PAK5: variants seen among roughly 807,000 people sequenced by gnomAD.
The protein encoded by PAK5 is serine/threonine-protein kinase PAK 5.
In PAK5, 16 loss-of-function variants were observed where a neutral mutation model predicts 65.9. The observed-to-expected ratio is 0.24, with a 90% CI of 0.16 to 0.37. The LOEUF is 0.37. PAK5 is among the 10% of genes least tolerant of loss of function. PAK5 has a pLI of 1.00. For synonymous variants in PAK5, 371 were observed against 354.9 expected, an observed-to-expected ratio of 1.05 and a Z score of -0.51; for missense variants, 785 against 903.9, an observed-to-expected ratio of 0.87 and a Z score of 1.69.
intron 3 of PAK5, among the ~76,000 whole-genome samples, chr20:9,583,994 T>C (rs2046025984): frequency 6.6e-6 from 1 of 152,190 alleles, no homozygotes; most frequent in Admixed American, 6.5e-5. Flanking sequence ...GAATTCATTA[T>C]ATGGAATGTA....
At chr20:9,783,670 C>T (rs2048964833) in intron 1 of PAK5, among the ~76,000 whole-genome samples, 1 of 152,146 alleles carries the variant, frequency 6.6e-6, no homozygotes. Context: ...ATATTTATTA[C>T]ACAGGCTAAA....
intron 3 of PAK5, among the ~76,000 whole-genome samples, chr20:9,639,312 T>G (rs2047021276): frequency 6.6e-6 from 1 of 152,172 alleles, no homozygotes; most frequent in South Asian, 2.1e-4. Context: ...TTGTCTACTG[T>G]CTGCCAGTGA....
intron 3 of PAK5, among the ~76,000 whole-genome samples, chr20:9,632,864 T>G (rs901847975): frequency 1.3e-5 from 2 of 152,226 alleles, no homozygotes; most frequent in Non-Finnish European, 2.9e-5. Context: ...GGCACAGTGA[T>G]GTGGTGATTA....
chr20:9,797,124 G>A (rs6056887), intron 1 of PAK5, among the ~76,000 whole-genome samples: 87,305 of 149,538 alleles, frequency 0.58, 25,584 homozygotes, highest in East Asian at 0.64. Context: ...TTTGATTTGC[G>A]TTTCTCTGAT....
chr20:9,784,969 A>G (rs927151170), intron 1 of PAK5, among the ~76,000 whole-genome samples: 5 of 152,072 alleles, frequency 3.3e-5, no homozygotes, highest in African/African-American at 4.8e-5. Context: ...CATTTCCTTT[A>G]TTTTAATATA....
intron 1 of PAK5, among the ~76,000 whole-genome samples, chr20:9,743,767 T>C (rs2048476625): frequency 6.6e-6 from 1 of 152,192 alleles, no homozygotes; most frequent in Non-Finnish European, 1.5e-5. Context: ...GGAAATGCCC[T>C]AATTCTTTGA....
At chr20:9,712,416 C>T (rs1401633173) in intron 1 of PAK5, among the ~76,000 whole-genome samples, 1 of 152,026 alleles carries the variant, frequency 6.6e-6, no homozygotes, top group Non-Finnish European at 1.5e-5. Flanking sequence ...GAAATGAAAG[C>T]AAATATTATT....
At chr20:9,633,980 A>G (rs1278023189) in intron 3 of PAK5, among the ~76,000 whole-genome samples, 2 of 152,182 alleles carry the variant, frequency 1.3e-5, no homozygotes, top group Non-Finnish European at 2.9e-5. Context: ...TCCAAGCATG[A>G]GTGGGAGTCA....
chr20:9,590,266 G>A (rs2046144207), intron 3 of PAK5, among the ~76,000 whole-genome samples: 1 of 152,156 alleles, frequency 6.6e-6, no homozygotes, highest in African/African-American at 2.4e-5. Flanking sequence ...CACCAGGACT[G>A]GCCAAGAATT....
intron 3 of PAK5, among the ~76,000 whole-genome samples, chr20:9,585,067 T>C (rs779911636): frequency 1.3e-5 from 2 of 152,220 alleles, no homozygotes; most frequent in African/African-American, 4.8e-5. Context: ...CTGAACTTGA[T>C]AAACAATGCT....
At chr20:9,706,406 T>A (rs539074417) in intron 2 of PAK5, among the ~76,000 whole-genome samples, 16 of 152,246 alleles carry the variant, frequency 1.1e-4, no homozygotes, top group African/African-American at 3.8e-4. Flanking sequence ...ATTGTTTTCT[T>A]CAATCACTTA....
chr20:9,775,143 T>C (rs2048874276), intron 1 of PAK5, among the ~76,000 whole-genome samples: 1 of 152,198 alleles, frequency 6.6e-6, no homozygotes, highest in South Asian at 2.1e-4. Context: ...AGGATCATTT[T>C]AGAGTGATAG....
intron 1 of PAK5, among the ~76,000 whole-genome samples, chr20:9,746,093 A>C (rs1256626417): frequency 6.6e-6 from 1 of 152,182 alleles, no homozygotes; most frequent in Non-Finnish European, 1.5e-5. Context: ...ATCTTCTCTT[A>C]TCTGGTAATG....
chr20:9,795,057 C>A (rs2049090581), intron 1 of PAK5, among the ~76,000 whole-genome samples: 2 of 152,012 alleles, frequency 1.3e-5, no homozygotes, highest in Non-Finnish European at 1.5e-5. Context: ...TCCATAAATA[C>A]CCTCAGGCAT....
chr20:9,685,150 AGTATCTTTTTAAG>A (rs2047701083), intron 2 of PAK5, among the ~76,000 whole-genome samples: 3 of 152,176 alleles, frequency 2.0e-5, no homozygotes, highest in African/African-American at 7.2e-5. Context: ...TAGCACACTG[AGTATCTTTTTAAG>A]CATTTTCTAA....
intron 2 of PAK5, among the ~76,000 whole-genome samples, chr20:9,647,513 T>G (rs1010155858): frequency 7.9e-5 from 12 of 152,214 alleles, no homozygotes; most frequent in African/African-American, 2.9e-4. Flanking sequence ...AATAGAAATG[T>G]CTTATTATTC....
At chr20:9,557,496 A>G in intron 7 of PAK5, 112 bp downstream of exon 7, 1 of 810,952 alleles carries the variant, frequency 1.2e-6, no homozygotes, top group Non-Finnish European at 1.9e-6. Context: ...GAAGTAGGTG[A>G]CTTGTGACTA....
intron 3 of PAK5, among the ~76,000 whole-genome samples, chr20:9,618,810 C>T (rs571355076): frequency 1.2e-4 from 17 of 146,572 alleles, no homozygotes; most frequent in African/African-American, 3.8e-4. Flanking sequence ...TGAGATGAAT[C>T]GATATTTTCA....
chr20:9,794,770 T>G (rs989012763), intron 1 of PAK5, among the ~76,000 whole-genome samples: 5 of 152,070 alleles, frequency 3.3e-5, no homozygotes, highest in African/African-American at 1.2e-4. Context: ...CATTTTATCT[T>G]TTTTTTAAGG....
Sources: gnomAD v4.1 joint callset for allele counts (sites outside exome capture counted in the v4.1 genomes callset) on GRCh38, gnomAD v4.1.1 for gene constraint, MANE v1.5 for transcripts, NCBI Gene and HGNC (gene_info 2026-07-23, HGNC 2026-07-21) for gene names.